Variants in ZNF804A observed in about 807,000 individuals in gnomAD.
ZNF804A encodes the protein zinc finger protein 804A.
ZNF804A carries 2 observed loss-of-function variants against 16.5 expected under a neutral mutation model. The observed-to-expected ratio is 0.12, with a 90% CI of 0.05 to 0.38. ZNF804A has a LOEUF of 0.38. Among genes scored for constraint, ZNF804A ranks in the 10% least tolerant of loss-of-function variants. The pLI is 0.99. For synonymous variants in ZNF804A, 534 were observed against 489.6 expected (o/e 1.09, Z -1.20); for missense variants, 1,473 against 1,390.7 (o/e 1.06, Z -0.94).
chr2:184,638,739 T>G (rs893179766), intron 1 of ZNF804A, among the ~76,000 whole-genome samples: 1 of 152,122 alleles, frequency 6.6e-6, no homozygotes, highest in African/African-American at 2.4e-5. Flanking sequence ...GTATATTTTG[T>G]GAGAAAAAAG....
At chr2:184,804,127 G>C (rs2105783914) in intron 1 of ZNF804A, among the ~76,000 whole-genome samples, 1 of 152,244 alleles carries the variant, frequency 6.6e-6, no homozygotes, top group East Asian at 1.9e-4. Flanking sequence ...GCCTCCCAAA[G>C]TGCTGGGATT....
intron 1 of ZNF804A, among the ~76,000 whole-genome samples, chr2:184,687,060 G>A (rs925581543): frequency 1.3e-5 from 2 of 152,008 alleles, no homozygotes; most frequent in African/African-American, 2.4e-5. Flanking sequence ...CTTTTGTTGC[G>A]GTTGCTTTGG....
At chr2:184,657,598 T>A (rs759210897) in intron 1 of ZNF804A, among the ~76,000 whole-genome samples, 11 of 152,216 alleles carry the variant, frequency 7.2e-5, no homozygotes, top group Non-Finnish European at 1.3e-4. Flanking sequence ...GTATACAATT[T>A]GGTGTATGTC....
intron 1 of ZNF804A, among the ~76,000 whole-genome samples, chr2:184,848,217 A>G (rs1046773389): frequency 2.0e-5 from 3 of 152,078 alleles, no homozygotes; most frequent in Non-Finnish European, 4.4e-5. Flanking sequence ...TCTCATTAGC[A>G]TAAAAAAGGC....
intron 1 of ZNF804A, among the ~76,000 whole-genome samples, chr2:184,604,885 A>G (rs1162058985): frequency 1.3e-5 from 2 of 152,200 alleles, no homozygotes; most frequent in Non-Finnish European, 2.9e-5. Context: ...CTCTATCATA[A>G]TAAGAAATAT....
chr2:184,850,951 C>T (rs1170786552), intron 1 of ZNF804A, among the ~76,000 whole-genome samples: 1 of 151,692 alleles, frequency 6.6e-6, no homozygotes. Context: ...CCTGAAATGA[C>T]TGGGTACCAC....
rs117111897 is a variant in ZNF804A, at chr2:184,780,065, A to C, written c.112-86304A>C. Among the ~76,000 whole-genome samples the C allele has an allele frequency of 4.5e-4, 69 of 151,940 alleles. 2 individuals carry two copies. In the East Asian group the frequency reaches 0.013, roughly 28 times the overall value. ...ATTCTAGAACTTTCTAAATGTGTAT[A>C]TACTGACTGTATGTACAGCTCAGAC... On this transcript the variant is annotated intron_variant, in intron 1 of 3. Coordinates refer to ENST00000302277, the MANE Select transcript of ZNF804A (RefSeq NM_194250.2).
intron 1 of ZNF804A, among the ~76,000 whole-genome samples, chr2:184,816,200 T>A (rs1457768714): frequency 6.6e-6 from 1 of 152,026 alleles, no homozygotes; most frequent in Non-Finnish European, 1.5e-5. Flanking sequence ...TGTTCCCAGA[T>A]GGATTCAGCA....
At chr2:184,607,977 G>A (rs1195640040) in intron 1 of ZNF804A, among the ~76,000 whole-genome samples, 3 of 106,672 alleles carry the variant, frequency 2.8e-5, no homozygotes, top group African/African-American at 1.1e-4. Flanking sequence ...ACGGAGTCTC[G>A]CTCTGTCGCC....
intron 1 of ZNF804A, among the ~76,000 whole-genome samples, chr2:184,786,266 A>G (rs1412045939): frequency 6.6e-6 from 1 of 151,716 alleles, no homozygotes; most frequent in Non-Finnish European, 1.5e-5. Flanking sequence ...AAGCTAATCA[A>G]TAAGTTCTCT....
chr2:184,670,162 T>A (rs1471498955), intron 1 of ZNF804A, among the ~76,000 whole-genome samples: 1 of 152,088 alleles, frequency 6.6e-6, no homozygotes, highest in African/African-American at 2.4e-5. Context: ...TGCTATTCCT[T>A]TCTATATAAA....
rs542937958 is a variant in ZNF804A, at chr2:184,623,750, A to C, written c.111+24680A>C. ...TCTTTAAAAAAGAGCCACATTAACAAACACACACTCAGGTGTGCACGCACA... is the reference window on the plus strand; with the variant it reads ...TCTTTAAAAAAGAGCCACATTAACACACACACACTCAGGTGTGCACGCACA... On this transcript the variant is annotated intron_variant, in intron 1 of 3. Coordinates refer to ENST00000302277, the MANE Select transcript of ZNF804A (RefSeq NM_194250.2). 4.6e-5 allele frequency among the ~76,000 whole-genome samples: 7 copies of C among 152,144 alleles called. No individual in the cohort carries two copies. In the South Asian group the frequency reaches 6.2e-4, roughly 14 times the overall value.
At chr2:184,801,878 T>G (rs1694732432) in intron 1 of ZNF804A, among the ~76,000 whole-genome samples, 1 of 152,154 alleles carries the variant, frequency 6.6e-6, no homozygotes, top group Non-Finnish European at 1.5e-5. Flanking sequence ...GGGTATTATG[T>G]TAGGAGCGAT....
At chr2:184,858,042 C>G (rs897519373) in intron 1 of ZNF804A, among the ~76,000 whole-genome samples, 2 of 151,978 alleles carry the variant, frequency 1.3e-5, no homozygotes, top group African/African-American at 4.8e-5. Context: ...CTTTCTTCTA[C>G]TCTCGATGCC....
intron 1 of ZNF804A, among the ~76,000 whole-genome samples, chr2:184,765,966 C>T (rs1284070980): frequency 1.3e-5 from 2 of 152,006 alleles, no homozygotes; most frequent in African/African-American, 2.4e-5. Context: ...CAATATAACA[C>T]TTGCCGTCAT....
At chr2:184,932,647 T>G (rs2105842073) in intron 2 of ZNF804A, among the ~76,000 whole-genome samples, 1 of 152,296 alleles carries the variant, frequency 6.6e-6, no homozygotes, top group Non-Finnish European at 1.5e-5. Flanking sequence ...TGAGTCCTAC[T>G]CAAGATTCTG....
chr2:184,678,296 C>T lies in ZNF804A; in HGVS notation c.111+79226C>T, dbSNP rs147249311. On this transcript the variant is annotated intron_variant, in intron 1 of 3. Coordinates refer to ENST00000302277, the MANE Select transcript of ZNF804A (RefSeq NM_194250.2). Reference sequence around the variant, plus strand: ...CATGTGAGTGATTTTTTATTGCAGGCATTCTGAAAACCAGACAGTGTGCTA... The same window carrying T: ...CATGTGAGTGATTTTTTATTGCAGGTATTCTGAAAACCAGACAGTGTGCTA... Among the ~76,000 whole-genome samples, 322 of 152,040 alleles carry T rather than the reference C, an allele frequency of 2.1e-3. 1 individual carries two copies. Among genetic ancestry groups the T allele is most frequent in the African/African-American group, 7.2e-3 (299 of 41,532 alleles).
chr2:184,938,122 A>G lies in ZNF804A; in HGVS notation c.2726A>G (p.Asp909Gly), dbSNP rs772047498. Residue 909 changes from aspartate (D) to glycine (G), a missense_variant, in exon 4 of 4, where the codon GAT becomes GGT. By Grantham distance (94) the Asp-to-Gly change is moderately conservative. Coordinates refer to ENST00000302277, the MANE Select transcript of ZNF804A (RefSeq NM_194250.2). ...GAGACCACTTCTGGTGAATTGTCAGATGTTTCCAATGATCCCACCACATCT... is the reference window on the plus strand; with the variant it reads ...GAGACCACTTCTGGTGAATTGTCAGGTGTTTCCAATGATCCCACCACATCT... ...EMETTSGELS[D>G]VSNDPTTSVC... 2 of 1,614,150 alleles carry G rather than the reference A, an allele frequency of 1.2e-6. No homozygotes were observed. The highest frequency in any genetic ancestry group is 2.2e-5 in the South Asian group (2 of 91,090).
chr2:184,751,927 G>A (rs1013183825), intron 1 of ZNF804A, among the ~76,000 whole-genome samples: 1 of 151,672 alleles, frequency 6.6e-6, no homozygotes, highest in Non-Finnish European at 1.5e-5. Flanking sequence ...AAGCCACAAT[G>A]AGATATCATG....
Sources: gnomAD v4.1 joint callset for allele counts (sites outside exome capture counted in the v4.1 genomes callset) on GRCh38, gnomAD v4.1.1 for gene constraint, MANE v1.5 for transcripts, NCBI Gene and HGNC (gene_info 2026-07-23, HGNC 2026-07-21) for gene names.